Variants in FAM227B observed in about 807,000 individuals in gnomAD.
FAM227B encodes family with sequence similarity 227 member B, also known as protein FAM227B.
A neutral mutation model predicts 73.8 loss-of-function variants in FAM227B; 88 were observed. The observed-to-expected ratio is 1.19, with a 90% CI of 1.00 to 1.42. The LOEUF (loss-of-function observed/expected upper bound fraction) is 1.42, where lower values mean the gene tolerates loss of function less well. FAM227B is among the 40% of genes most tolerant of loss of function. The pLI, the probability that FAM227B is intolerant of heterozygous loss-of-function variation, is 0.00. For missense variants in FAM227B, 632 were observed against 590.9 expected (o/e 1.07, Z -0.72); for synonymous variants, 210 against 190.5 (o/e 1.10, Z -0.84).
intron 3 of FAM227B, among the ~76,000 whole-genome samples, chr15:49,605,038 ATT>A (rs1266531070): frequency 2.0e-5 from 3 of 148,684 alleles, no homozygotes; most frequent in African/African-American, 5.0e-5. Context: ...GTAGATCTCT[ATT>A]TTTTTAGGTA....
At chr15:49,401,237 A>G (rs1401868115) in intron 11 of FAM227B, among the ~76,000 whole-genome samples, 9 of 152,258 alleles carry the variant, frequency 5.9e-5, no homozygotes, top group Non-Finnish European at 1.2e-4. Context: ...GCAGCCAAAA[A>G]ACACATGAAA....
chr15:49,395,114 TTA>T (rs1393559932), intron 11 of FAM227B, among the ~76,000 whole-genome samples: 2 of 152,192 alleles, frequency 1.3e-5, no homozygotes, highest in Non-Finnish European at 2.9e-5. Flanking sequence ...TACACACATA[TTA>T]ATACTTACCA....
intron 3 of FAM227B, among the ~76,000 whole-genome samples, chr15:49,605,812 A>T (rs1026969390): frequency 6.6e-6 from 1 of 151,978 alleles, no homozygotes; most frequent in African/African-American, 2.4e-5. Flanking sequence ...CAAAAATCCA[A>T]GGGGCTGGCA....
intron 11 of FAM227B, among the ~76,000 whole-genome samples, chr15:49,492,828 T>C (rs1454927786): frequency 6.6e-6 from 1 of 151,940 alleles, no homozygotes; most frequent in African/African-American, 2.4e-5. Flanking sequence ...TATCTTCACA[T>C]TCAGTTTTTA....
intron 6 of FAM227B, chr15:49,577,065 A>G: frequency 2.4e-6 from 1 of 421,820 alleles, no homozygotes; most frequent in Non-Finnish European, 4.2e-6. Context: ...GGGAGGCTGA[A>G]GTGGGTGGAT....
intron 13 of FAM227B, among the ~76,000 whole-genome samples, chr15:49,349,123 G>A (rs1448008184): frequency 6.6e-6 from 1 of 152,084 alleles, no homozygotes; most frequent in Non-Finnish European, 1.5e-5. Flanking sequence ...TCTGTATCTT[G>A]TATATTTTAT....
At position 49,549,322 on chromosome 15, in the gene FAM227B, T is replaced by TTTTACTTATTTA. The variant is rs2072450517; in HGVS notation, c.748-7517_748-7516insTAAATAAGTAAA. Among the ~76,000 whole-genome samples the TTTTACTTATTTA allele has an allele frequency of 2.0e-5, 3 of 147,700 alleles. No homozygotes were observed. In the South Asian group the frequency reaches 6.3e-4, roughly 31 times the overall value. On this transcript the variant is annotated intron_variant, in intron 9 of 15. Transcript: ENST00000299338. The stretch of plus-strand genomic sequence containing the variant: ...CTTCTCTTATTGATTTGCATATGTA[T>TTTTACTTATTTA]TTTATTTATTTATTTATTTTTATTG...
intron 11 of FAM227B, among the ~76,000 whole-genome samples, chr15:49,427,593 T>C (rs957984917): frequency 2.0e-5 from 3 of 152,004 alleles, no homozygotes; most frequent in African/African-American, 7.2e-5. Context: ...AAAATATAAT[T>C]ATTCTTCTGG....
intron 11 of FAM227B, among the ~76,000 whole-genome samples, chr15:49,416,539 C>T (rs771673990): frequency 4.5e-4 from 69 of 152,178 alleles, no homozygotes; most frequent in Non-Finnish European, 7.9e-4. Context: ...AAATAAAAGG[C>T]ATCCAAATAG....
intron 3 of FAM227B, among the ~76,000 whole-genome samples, chr15:49,600,555 G>GAGGC (rs2077128640): frequency 6.6e-6 from 1 of 151,024 alleles, no homozygotes; most frequent in Non-Finnish European, 1.5e-5. Context: ...TCAGGAGGCT[G>GAGGC]AGGCAGGGAG....
chr15:49,433,598 G>A (rs1175190866), intron 11 of FAM227B, among the ~76,000 whole-genome samples: 4 of 151,494 alleles, frequency 2.6e-5, no homozygotes. Flanking sequence ...AAAAAAAATG[G>A]CCTCCAGAAC....
Position 49,575,012 on chromosome 15 carries a change from C to T in FAM227B, c.644G>A (p.Arg215Lys). ...ATAAATTTTTAAAAATCACTATACC[C>T]TAAATTTATGGAGAAACCACCACCA... is the stretch of plus-strand genomic sequence containing the variant. Reference protein sequence around the residue: ...SFWWWFLHKFRPDRENQDCLF... With the variant: ...SFWWWFLHKFKPDRENQDCLF... The change falls in exon 8 of 16, where the codon AGG becomes AAG. Residue 215 changes from arginine (R) to lysine (K), a missense_variant and splice_region_variant. By Grantham distance (26) the Arg-to-Lys change is conservative. Coordinates refer to ENST00000299338, the MANE Select transcript of FAM227B (RefSeq NM_152647.3). The T allele has an allele frequency of 6.4e-7, 1 of 1,561,134 alleles. No individual in the cohort carries two copies. The highest frequency in any genetic ancestry group is 8.7e-7 in the Non-Finnish European group (1 of 1,147,098).
At chr15:49,606,882 A>C (rs2077556293) in intron 3 of FAM227B, among the ~76,000 whole-genome samples, 1 of 152,270 alleles carries the variant, frequency 6.6e-6, no homozygotes, top group African/African-American at 2.4e-5. Context: ...TAATATTTGC[A>C]AATCTAAATA....
At chr15:49,473,632 T>G (rs1168455223) in intron 11 of FAM227B, among the ~76,000 whole-genome samples, 1 of 152,110 alleles carries the variant, frequency 6.6e-6, no homozygotes, top group Non-Finnish European at 1.5e-5. Flanking sequence ...CAATATTTTA[T>G]TTATGGAGCA....
At chr15:49,581,665 C>A (rs921398903) in intron 5 of FAM227B, among the ~76,000 whole-genome samples, 1 of 152,130 alleles carries the variant, frequency 6.6e-6, no homozygotes, top group Non-Finnish European at 1.5e-5. Flanking sequence ...AATTTCGTAT[C>A]TAGCCAAACT....
chr15:49,328,612 G>T lies in FAM227B; in HGVS notation c.1483C>A (p.Pro495Thr), dbSNP rs927481555. 1.7e-5 allele frequency: 27 copies of T among 1,590,824 alleles called. No homozygotes were observed. The Admixed American group carries it at 4.7e-4, about 28-fold the overall frequency. The change falls in exon 16 of 16, where the codon CCA (proline) becomes ACA (threonine). Residue 495 changes from proline (P) to threonine (T), a missense_variant. Pro to Thr is a conservative substitution (Grantham distance 38). Transcript: ENST00000299338. ...ASLSSSSSSS[P>T]SSTDNYNFEE... is the part of the protein sequence containing the mutation. ...AAGTTGTAGTTGTCTGTTGATGATGGTGATGATGATGATGATGACGATAGT... is the reference window on the plus strand; with the variant it reads ...AAGTTGTAGTTGTCTGTTGATGATGTTGATGATGATGATGATGACGATAGT...
Position 49,366,528 on chromosome 15 carries a change from G to A in FAM227B, c.1271+920C>T, listed in dbSNP as rs1236123791. On this transcript the variant is annotated intron_variant, in intron 13 of 15. Coordinates refer to ENST00000299338, the MANE Select transcript of FAM227B (RefSeq NM_152647.3). Reference sequence around the variant, plus strand: ...GAAGTTGCATTTTCTAGGGTACTTGGAAGAGCTGACCAATGGGGGTTATAA... The same window carrying A: ...GAAGTTGCATTTTCTAGGGTACTTGAAAGAGCTGACCAATGGGGGTTATAA... 4 of 1,506,502 alleles carry A rather than the reference G, an allele frequency of 2.7e-6. No homozygotes were observed. In the East Asian group the frequency reaches 9.0e-5, roughly 34 times the overall value. 93.3% of individuals were successfully genotyped at this position (1,506,502 alleles called of 1,614,324 possible). A position where few individuals can be genotyped will look rare whatever the true frequency, so the allele number is the denominator to read the frequency against.
chr15:49,496,865 A>G (rs2057660306), intron 11 of FAM227B, among the ~76,000 whole-genome samples: 1 of 152,044 alleles, frequency 6.6e-6, no homozygotes, highest in Admixed American at 6.6e-5. Flanking sequence ...GTTTTACCCT[A>G]GTTCTGCTCT....
intron 11 of FAM227B, among the ~76,000 whole-genome samples, chr15:49,372,604 G>C (rs2045917222): frequency 6.6e-6 from 1 of 152,116 alleles, no homozygotes; most frequent in Non-Finnish European, 1.5e-5. Flanking sequence ...ATGCATGAGG[G>C]TACAGAGGGA....
Sources: allele counts gnomAD v4.1 joint callset (sites outside exome capture counted in the v4.1 genomes callset), GRCh38; gene constraint gnomAD v4.1.1; transcripts MANE v1.5; gene names NCBI Gene and HGNC (gene_info 2026-07-23, HGNC 2026-07-21).